The following KIF3A variants were observed in gnomAD, a reference collection of about 807,000 sequenced individuals.
The protein encoded by KIF3A is kinesin family member 3A.
In KIF3A, 27 loss-of-function variants were observed where a neutral mutation model predicts 92.6. The ratio of observed to expected loss-of-function variants is 0.29; its 90% CI spans 0.21 to 0.40. The LOEUF is 0.40. Ranked by LOEUF, KIF3A falls within the 10% of genes least tolerant of loss-of-function variation. KIF3A has a pLI of 1.00. For missense variants in KIF3A, 581 were observed against 872.6 expected, an observed-to-expected ratio of 0.67 and a Z score of 4.21; for synonymous variants, 250 against 275.4, an observed-to-expected ratio of 0.91 and a Z score of 0.92.
intron 11 of KIF3A, 94 bp downstream of exon 11, chr5:132,706,357 C>A (rs1753209883): frequency 2.4e-6 from 2 of 825,600 alleles, no homozygotes; most frequent in East Asian, 3.3e-5. Context: ...GGTAAAAAAA[C>A]TACTAAATTT....
At chr5:132,700,377 C>A in intron 16 of KIF3A, 93 bp from the exon 17 acceptor site, 1 of 799,942 alleles carries the variant, frequency 1.3e-6, no homozygotes, top group Non-Finnish European at 2.1e-6. Flanking sequence ...TAACATTACA[C>A]TAGTAAAACA....
At chr5:132,722,871 G>T (rs1317915791) in intron 4 of KIF3A, among the ~76,000 whole-genome samples, 2 of 152,104 alleles carry the variant, frequency 1.3e-5, no homozygotes, top group Non-Finnish European at 2.9e-5. Context: ...CAATTTTGAT[G>T]ATTCTATATG....
At chr5:132,700,864 G>A (rs1390856036) in intron 15 of KIF3A, among the ~76,000 whole-genome samples, 164 bp from the exon 16 acceptor site, 1 of 152,084 alleles carries the variant, frequency 6.6e-6, no homozygotes, top group Non-Finnish European at 1.5e-5. Flanking sequence ...TCTTAGGAAT[G>A]CATGCAGATG....
At chr5:132,727,251 G>A (rs1400940177) in intron 2 of KIF3A, among the ~76,000 whole-genome samples, 1 of 152,158 alleles carries the variant, frequency 6.6e-6, no homozygotes, top group East Asian at 1.9e-4. Flanking sequence ...TTGGCATTGT[G>A]CTAGGCACTA....
chr5:132,724,807 ATATATATATATATATATATATATAT>A lies in KIF3A; in HGVS notation c.510+1296_510+1320del, dbSNP rs1271007496. 3.3e-4 allele frequency among the ~76,000 whole-genome samples: 10 copies of A among 30,108 alleles called. 1 individual carries two copies. Among genetic ancestry groups the A allele is most frequent in the African/African-American group, 6.8e-4 (6 of 8,844 alleles). The allele number at this position is 30,108 out of a possible 152,430, so 19.8% of individuals were successfully genotyped here. ...TAAAGTATAATAAAAAAAAAAAAAA[ATATATATATATATATATATATATAT>A]ATATATATATATATATATATATATT... On this transcript the variant is annotated intron_variant, in intron 4 of 18. Coordinates refer to ENST00000403231, the MANE Select transcript of KIF3A (RefSeq NM_001300791.2).
In KIF3A at chr5:132,713,889, C is replaced by T. The variant is rs202216828; in HGVS notation, c.1129+1868G>A. On this transcript the variant is annotated intron_variant, in intron 8 of 18. Coordinates refer to ENST00000403231, the MANE Select transcript of KIF3A (RefSeq NM_001300791.2). ...AAAGACAAATGCTGTATTTCACTTT[C>T]TTTTTTTTTTTTTTTTTTTTTTTTG... Among the ~76,000 whole-genome samples, 7 of 83,764 alleles carry T rather than the reference C, an allele frequency of 8.4e-5. No homozygotes were observed. In the East Asian group the frequency reaches 1.1e-3, roughly 13 times the overall value. The allele number at this position is 83,764 out of a possible 152,430, so 55.0% of individuals were successfully genotyped here.
chr5:132,712,477 G>A (rs1235411262), intron 8 of KIF3A, among the ~76,000 whole-genome samples: 1 of 152,038 alleles, frequency 6.6e-6, no homozygotes, highest in Admixed American at 6.6e-5. Context: ...GGAATGAAGG[G>A]GCTGTTCTTC....
intron 16 of KIF3A, 93 bp downstream of exon 16, chr5:132,700,554 G>T: frequency 1.2e-6 from 1 of 820,932 alleles, no homozygotes; most frequent in Non-Finnish European, 2.1e-6. Flanking sequence ...TTCATCTACT[G>T]GACCATGTTC....
downstream of KIF3A, among the ~76,000 whole-genome samples, chr5:132,690,437 T>C (rs747319603): frequency 2.0e-5 from 3 of 151,868 alleles, no homozygotes; most frequent in Non-Finnish European, 4.4e-5. Flanking sequence ...AGATAGAAGG[T>C]CTAGTGTTTT....
In KIF3A at chr5:132,696,085, T is replaced by C. The variant is rs937695940; in HGVS notation, c.*549A>G. 3.9e-5 allele frequency: 6 copies of C among 152,792 alleles called. No individual in the cohort carries two copies. Among genetic ancestry groups the C allele is most frequent in the African/African-American group, 1.4e-4 (6 of 41,466 alleles). 9.5% of individuals were successfully genotyped at this position (152,792 alleles called of 1,614,324 possible). A position where few individuals can be genotyped will look rare whatever the true frequency, so the allele number is the denominator to read the frequency against. On this transcript the variant is annotated 3_prime_UTR_variant, in exon 19 of 19. Coordinates refer to ENST00000403231, the MANE Select transcript of KIF3A (RefSeq NM_001300791.2). ...TATAACATTTTCTACAAAACATTCA[T>C]AAGATCAGTCATCTCATACTTAAAA...
chr5:132,703,516 T>C lies in KIF3A; in HGVS notation c.1413A>G (p.Arg471=). Residue 471 remains arginine (R), a synonymous_variant, in exon 12 of 19, where the codon AGA becomes AGG. Coordinates refer to ENST00000403231, the MANE Select transcript of KIF3A (RefSeq NM_001300791.2). ...ETKLDMEEEE[R]NKARAELEKR... The stretch of plus-strand genomic sequence containing the variant: ...TCTCTAATTCAGCTCTAGCCTTGTT[T>C]CTTTCTTCTTCTTCCATGTCGAGCT... 3 of 1,612,842 alleles carry C rather than the reference T, an allele frequency of 1.9e-6. No homozygotes were observed. The South Asian group carries it at 3.3e-5, about 18-fold the overall frequency.
intron 8 of KIF3A, among the ~76,000 whole-genome samples, chr5:132,715,107 T>G (rs1202220048): frequency 3.3e-5 from 5 of 152,176 alleles, no homozygotes; most frequent in Non-Finnish European, 7.4e-5. Context: ...TTTACGTGGT[T>G]CGCGAAGGAG....
chr5:132,713,278 C>T (rs1753493247), intron 8 of KIF3A, among the ~76,000 whole-genome samples: 1 of 152,118 alleles, frequency 6.6e-6, no homozygotes, highest in African/African-American at 2.4e-5. Context: ...GGAAGGAAAA[C>T]TGGCCAAATT....
chr5:132,737,261 G>A (rs1183733165), intron 1 of KIF3A, among the ~76,000 whole-genome samples, 153 bp downstream of exon 1: 1 of 152,132 alleles, frequency 6.6e-6, no homozygotes, highest in Non-Finnish European at 1.5e-5. Flanking sequence ...GGGCTGACCA[G>A]CCAGGCTCTC....
intron 2 of KIF3A, among the ~76,000 whole-genome samples, chr5:132,733,701 G>A (rs1754307836): frequency 6.6e-6 from 1 of 152,204 alleles, no homozygotes; most frequent in African/African-American, 2.4e-5. Context: ...CAGGTTCAAG[G>A]CTGCAGTAAG....
intron 1 of KIF3A, chr5:132,736,845 C>A: frequency 2.4e-6 from 1 of 420,736 alleles, no homozygotes; most frequent in Non-Finnish European, 4.8e-6. Context: ...TTCACGATAA[C>A]AATCTGTGAA....
intron 4 of KIF3A, among the ~76,000 whole-genome samples, chr5:132,724,698 C>T (rs569105846): frequency 1.3e-5 from 2 of 148,574 alleles, no homozygotes; most frequent in African/African-American, 2.5e-5. Context: ...ATGTAAATGA[C>T]GAGTTAATGG....
At chr5:132,710,743 C>T (rs1003932435) in intron 9 of KIF3A, among the ~76,000 whole-genome samples, 1 of 152,078 alleles carries the variant, frequency 6.6e-6, no homozygotes, top group Non-Finnish European at 1.5e-5. Flanking sequence ...TCTTACAATT[C>T]TAAATTCTAA....
At chr5:132,711,779 G>C (rs889907014) in intron 8 of KIF3A, among the ~76,000 whole-genome samples, 2 of 152,030 alleles carry the variant, frequency 1.3e-5, no homozygotes, top group African/African-American at 4.8e-5. Context: ...AAGAGACACA[G>C]AACTGTCATG....
Sources: gnomAD v4.1 joint callset for allele counts (sites outside exome capture counted in the v4.1 genomes callset) on GRCh38, gnomAD v4.1.1 for gene constraint, MANE v1.5 for transcripts, NCBI Gene and HGNC (gene_info 2026-07-23, HGNC 2026-07-21) for gene names.